Variants in SPON1 observed in about 807,000 individuals in gnomAD.
The protein encoded by SPON1 is spondin 1.
Under a neutral mutation model 111.7 loss-of-function variants are expected in SPON1, and 52 were observed. That is an observed-to-expected ratio of 0.47 (90% confidence interval 0.37 to 0.59). SPON1 has a LOEUF of 0.59. SPON1 is among the 20% of genes least tolerant of loss of function. The probability of loss-of-function intolerance (pLI) is 0.00; values close to 1 mark genes in which losing one functional copy is unlikely to be tolerated. For missense variants in SPON1, 957 were observed against 1,068.5 expected (o/e 0.90, Z 1.46); for synonymous variants, 410 against 395.8 (o/e 1.04, Z -0.43).
chr11:14,067,300 C>T (rs1475418697), intron 3 of SPON1, among the ~76,000 whole-genome samples: 1 of 152,168 alleles, frequency 6.6e-6, no homozygotes, highest in Non-Finnish European at 1.5e-5. Context: ...CCCTATATCC[C>T]ACCATGCCTC....
chr11:14,112,668 A>G (rs535602713), intron 5 of SPON1, among the ~76,000 whole-genome samples: 1 of 152,302 alleles, frequency 6.6e-6, no homozygotes, highest in African/African-American at 2.4e-5. Flanking sequence ...CAGTTCTCAT[A>G]ACTGGGTCTT....
intron 6 of SPON1, among the ~76,000 whole-genome samples, chr11:14,168,970 A>G (rs1345054342): frequency 6.6e-6 from 1 of 152,196 alleles, no homozygotes; most frequent in Admixed American, 6.5e-5. Context: ...ATATGTGTGC[A>G]TGTGTCTTTA....
intron 6 of SPON1, among the ~76,000 whole-genome samples, chr11:14,158,440 C>T (rs938636428): frequency 1.3e-5 from 2 of 152,170 alleles, no homozygotes; most frequent in African/African-American, 4.8e-5. Flanking sequence ...TCAGAAGAAA[C>T]AGCAGTGCCA....
chr11:14,014,414 T>C (rs11023051), intron 2 of SPON1, among the ~76,000 whole-genome samples: 47,411 of 152,182 alleles, frequency 0.31, 8,283 homozygotes, highest in South Asian at 0.51. Flanking sequence ...AGGATTCCTT[T>C]TCCAGATAAA....
chr11:14,200,696 T>C (rs2133896442), intron 6 of SPON1, among the ~76,000 whole-genome samples: 1 of 151,616 alleles, frequency 6.6e-6, no homozygotes, highest in South Asian at 2.1e-4. Flanking sequence ...ATGCCTGTAA[T>C]CCCAGCTACT....
rs555370909 is a variant in SPON1, at chr11:14,093,568, T to C, written c.676+13547T>C. On this transcript the variant is annotated intron_variant, in intron 5 of 15. Transcript: ENST00000576479. ...ATCACGTTTTCCGTTTGACAATACA[T>C]TGCCTAAAATATAAATACAGCAATT... 1.2e-4 allele frequency among the ~76,000 whole-genome samples: 18 copies of C among 152,340 alleles called. No individual in the cohort carries two copies. The South Asian group carries it at 3.7e-3, about 32-fold the overall frequency.
At chr11:13,969,967 C>G (rs1554908412) in intron 1 of SPON1, among the ~76,000 whole-genome samples, 1 of 152,236 alleles carries the variant, frequency 6.6e-6, no homozygotes, top group African/African-American at 2.4e-5. Context: ...AGGCTCATCT[C>G]ATGCTCACTC....
At chr11:13,990,059 G>A (rs1335449117) in intron 2 of SPON1, among the ~76,000 whole-genome samples, 3 of 152,160 alleles carry the variant, frequency 2.0e-5, no homozygotes, top group Non-Finnish European at 4.4e-5. Flanking sequence ...ATGTCTGTTA[G>A]GTCTGCTTGG....
chr11:14,201,749 G>A (rs1233482251), intron 6 of SPON1, among the ~76,000 whole-genome samples: 4 of 152,088 alleles, frequency 2.6e-5, no homozygotes, highest in African/African-American at 9.7e-5. Context: ...ATACACATAA[G>A]TATTTAATGT....
intron 3 of SPON1, among the ~76,000 whole-genome samples, chr11:14,059,847 G>C (rs893460311): frequency 6.6e-6 from 1 of 152,148 alleles, no homozygotes; most frequent in East Asian, 1.9e-4. Context: ...ACACCTGCCT[G>C]GTGATCAATA....
chr11:14,083,175 A>C (rs1848977593), intron 5 of SPON1, among the ~76,000 whole-genome samples: 1 of 152,244 alleles, frequency 6.6e-6, no homozygotes, highest in African/African-American at 2.4e-5. Context: ...AAACAAAAGA[A>C]ATGTGAAAAG....
Position 13,972,467 on chromosome 11 carries a change from T to G in SPON1, c.238+9325T>G, listed in dbSNP as rs149081096. ...AATCTGTATTTGGTCCCTGAGTGATTTATTCACATAATCTAATTTTGGATT... is the reference window on the plus strand; with the variant it reads ...AATCTGTATTTGGTCCCTGAGTGATGTATTCACATAATCTAATTTTGGATT... On this transcript the variant is annotated intron_variant, in intron 1 of 15. Transcript: ENST00000576479. Among the ~76,000 whole-genome samples, 83 of 152,334 alleles carry G rather than the reference T, an allele frequency of 5.4e-4. No individual in the cohort carries two copies. The East Asian group carries it at 0.016, about 29-fold the overall frequency.
At chr11:14,140,313 A>G (rs181870824) in intron 6 of SPON1, among the ~76,000 whole-genome samples, 80 of 152,100 alleles carry the variant, frequency 5.3e-4, no homozygotes, top group Non-Finnish European at 8.4e-4. Context: ...CTTAGAGACT[A>G]TTTTTCCTTT....
At chr11:14,018,852 A>C (rs78995928) in intron 2 of SPON1, among the ~76,000 whole-genome samples, 1,944 of 152,286 alleles carry the variant, frequency 0.013, 41 homozygotes, top group African/African-American at 0.045. Flanking sequence ...AGGATGGTTG[A>C]AAGATTTGAA....
At chr11:14,052,044 C>T (rs1848711548) in intron 3 of SPON1, among the ~76,000 whole-genome samples, 1 of 152,180 alleles carries the variant, frequency 6.6e-6, no homozygotes, top group Non-Finnish European at 1.5e-5. Context: ...GACTCCCCTC[C>T]CCACAGCTCC....
At chr11:14,246,932 A>G (rs1050522975) in intron 7 of SPON1, among the ~76,000 whole-genome samples, 2 of 152,156 alleles carry the variant, frequency 1.3e-5, no homozygotes, top group Admixed American at 6.5e-5. Context: ...AAAGGGGAGA[A>G]CATTTTAGAA....
intron 1 of SPON1, among the ~76,000 whole-genome samples, chr11:13,964,754 C>G (rs1458402953): frequency 6.6e-6 from 1 of 152,156 alleles, no homozygotes; most frequent in Non-Finnish European, 1.5e-5. Context: ...GACTGCCACT[C>G]GGTGCAGCCG....
intron 6 of SPON1, among the ~76,000 whole-genome samples, chr11:14,159,413 C>A (rs1205299975): frequency 6.6e-6 from 1 of 152,054 alleles, no homozygotes; most frequent in Non-Finnish European, 1.5e-5. Context: ...GAAAAGGGAA[C>A]CCTCATACAC....
chr11:14,019,331 A>G (rs1321131444), intron 2 of SPON1, among the ~76,000 whole-genome samples: 6 of 151,394 alleles, frequency 4.0e-5, no homozygotes, highest in Non-Finnish European at 2.9e-5. Flanking sequence ...TGATATTTAA[A>G]TTTTACATAA....
Sources: allele counts gnomAD v4.1 joint callset (sites outside exome capture counted in the v4.1 genomes callset), GRCh38; gene constraint gnomAD v4.1.1; transcripts MANE v1.5; gene names NCBI Gene and HGNC (gene_info 2026-07-23, HGNC 2026-07-21).